Variants in SEPTIN10 observed in about 807,000 individuals in gnomAD.
SEPTIN10 encodes the protein septin 10.
A neutral mutation model predicts 54.8 loss-of-function variants in SEPTIN10; 66 were observed. The observed-to-expected ratio is 1.21, with a 90% confidence interval of 0.99 to 1.48. SEPTIN10 has a LOEUF of 1.48. Among genes scored for constraint, SEPTIN10 ranks in the 40% most tolerant of loss-of-function variants. SEPTIN10 has a pLI of 0.00. For missense variants in SEPTIN10, 620 were observed against 545.6 expected (o/e 1.14, Z -1.36); for synonymous variants, 161 against 181.0 (o/e 0.89, Z 0.89).
chr2:109,593,211 TATA>T, intron 1 of SEPTIN10, 92 bp from the exon 2 acceptor site: 1 of 773,558 alleles, frequency 1.3e-6, no homozygotes, highest in Non-Finnish European at 2.0e-6. Flanking sequence ...AATAAGGTGT[TATA>T]ATAATGTTGT....
chr2:109,613,717 G>C, intron 1 of SEPTIN10, 81 bp downstream of exon 1: 3 of 947,170 alleles, frequency 3.2e-6, no homozygotes, highest in Non-Finnish European at 4.1e-6. Flanking sequence ...GGCCGGACCA[G>C]GGGGCCGGTG....
intron 1 of SEPTIN10, among the ~76,000 whole-genome samples, chr2:109,596,219 C>A (rs1308669795): frequency 6.6e-6 from 1 of 152,064 alleles, no homozygotes; most frequent in African/African-American, 2.4e-5. Flanking sequence ...TTAAAAATTA[C>A]TGGTAAAAAA....
intron 1 of SEPTIN10, among the ~76,000 whole-genome samples, chr2:109,603,025 T>G (rs1374605815): frequency 6.6e-6 from 1 of 150,708 alleles, no homozygotes; most frequent in Non-Finnish European, 1.5e-5. Flanking sequence ...AAGCTGTGAC[T>G]GCACCACTGT....
chr2:109,602,678 A>T (rs2106187706), intron 1 of SEPTIN10, among the ~76,000 whole-genome samples: 1 of 149,156 alleles, frequency 6.7e-6, no homozygotes, highest in East Asian at 2.0e-4. Context: ...TCCATCTCAA[A>T]TTAAAAAAAA....
chr2:109,575,724 CA>C (rs1270532023), intron 4 of SEPTIN10, among the ~76,000 whole-genome samples: 1 of 152,196 alleles, frequency 6.6e-6, no homozygotes, highest in Non-Finnish European at 1.5e-5. Flanking sequence ...GTTCCCATGT[CA>C]AATTCCCTGG....
intron 4 of SEPTIN10, among the ~76,000 whole-genome samples, chr2:109,583,177 A>G (rs1691628572): frequency 6.8e-6 from 1 of 146,916 alleles, no homozygotes; most frequent in Admixed American, 6.7e-5. Context: ...ATTGCCAATT[A>G]AACTAAAGAG....
chr2:109,560,951 C>G (rs1268296588), intron 8 of SEPTIN10, among the ~76,000 whole-genome samples: 1 of 152,196 alleles, frequency 6.6e-6, no homozygotes, highest in African/African-American at 2.4e-5. Flanking sequence ...AAGAAATGCT[C>G]TCCTAACTGG....
In SEPTIN10 at chr2:109,574,650, G is replaced by A. The variant is rs778211095; in HGVS notation, c.531C>T (p.Tyr177=). Residue 177 remains tyrosine, a synonymous_variant, in exon 5 of 11, where the codon TAC becomes TAT. Transcript: ENST00000397712. ...YHDSRIHVCL[Y]FISPTGHSLK... ...GAGAGTGGCCTGTCGGTGAAATGAAGTAGAGACACACATGGATGCGAGAAT... is the reference window on the plus strand; with the variant it reads ...GAGAGTGGCCTGTCGGTGAAATGAAATAGAGACACACATGGATGCGAGAAT... The A allele has an allele frequency of 1.9e-6, 3 of 1,607,904 alleles. No homozygotes were observed. Among genetic ancestry groups the A allele is most frequent in the Admixed American group, 3.4e-5 (2 of 59,064 alleles).
chr2:109,579,139 C>T (rs1690477836), intron 4 of SEPTIN10, among the ~76,000 whole-genome samples: 2 of 152,118 alleles, frequency 1.3e-5, no homozygotes, highest in African/African-American at 2.4e-5. Flanking sequence ...ATTAAGAGTA[C>T]ATTATCAATA....
intron 8 of SEPTIN10, 75 bp from the exon 9 acceptor site, chr2:109,553,294 CA>C: frequency 6.6e-7 from 1 of 1,522,456 alleles, no homozygotes; most frequent in East Asian, 2.3e-5. Context: ...CCTGTAATCC[CA>C]ACACTTTGGG....
intron 1 of SEPTIN10, among the ~76,000 whole-genome samples, chr2:109,598,301 C>T (rs568985963): frequency 4.7e-4 from 71 of 152,120 alleles, no homozygotes; most frequent in African/African-American, 1.6e-3. Flanking sequence ...CTCCCAACCT[C>T]AGGTGATCCG....
intron 8 of SEPTIN10, among the ~76,000 whole-genome samples, chr2:109,557,195 A>G: frequency 6.6e-6 from 1 of 152,152 alleles, no homozygotes; most frequent in Non-Finnish European, 1.5e-5. Flanking sequence ...AAAAAATTAT[A>G]AAAAAAATCT....
intron 6 of SEPTIN10, among the ~76,000 whole-genome samples, chr2:109,566,175 C>T (rs1017236559): frequency 6.6e-6 from 1 of 151,982 alleles, no homozygotes; most frequent in African/African-American, 2.4e-5. Context: ...AGCTGAAGTG[C>T]AGTGACACGA....
intron 6 of SEPTIN10, among the ~76,000 whole-genome samples, chr2:109,566,225 A>T (rs1469422323): frequency 6.6e-6 from 1 of 151,996 alleles, no homozygotes; most frequent in Non-Finnish European, 1.5e-5. Flanking sequence ...GGTTCCAGTG[A>T]TTCTCCTACC....
chr2:109,562,128 G>A (rs931473546), intron 8 of SEPTIN10, among the ~76,000 whole-genome samples: 4 of 152,040 alleles, frequency 2.6e-5, no homozygotes, highest in South Asian at 2.1e-4. Flanking sequence ...CATGAGAATC[G>A]CTTGAACCCA....
At chr2:109,572,757 C>G (rs1688717250) in intron 5 of SEPTIN10, among the ~76,000 whole-genome samples, 1 of 151,888 alleles carries the variant, frequency 6.6e-6, no homozygotes, top group African/African-American at 2.4e-5. Flanking sequence ...GCTGGGGCTA[C>G]AGGCATGTGC....
At chr2:109,609,493 G>C (rs1027006347) in intron 1 of SEPTIN10, among the ~76,000 whole-genome samples, 6 of 152,024 alleles carry the variant, frequency 3.9e-5, no homozygotes, top group African/African-American at 1.4e-4. Flanking sequence ...GAAGCAGCCT[G>C]GCTGCCAGGG....
intron 9 of SEPTIN10, 198 bp downstream of exon 9, chr2:109,552,889 A>T (rs568156719): frequency 2.0e-4 from 123 of 608,164 alleles, no homozygotes; most frequent in Admixed American, 8.2e-4. Flanking sequence ...CTGCTTTAAA[A>T]AAAAAGAAGG....
At position 109,558,482 on chromosome 2, in the gene SEPTIN10, T is replaced by C. The variant is rs72938245; in HGVS notation, c.1029-5263A>G. Among the ~76,000 whole-genome samples the C allele has an allele frequency of 9.9e-3, 1,507 of 152,340 alleles. 33 individuals are homozygous for C. The highest frequency in any genetic ancestry group is 0.035 in the African/African-American group (1,442 of 41,578). On this transcript the variant is annotated intron_variant, in intron 8 of 10. Transcript: ENST00000397712. Reference sequence around the variant, plus strand: ...TGATTAACTGTGGGAAAGAGATTAGTTAGGTTAATCTTTAATTATTAAACT... The same window carrying C: ...TGATTAACTGTGGGAAAGAGATTAGCTAGGTTAATCTTTAATTATTAAACT...
Sources: allele counts gnomAD v4.1 joint callset (sites outside exome capture counted in the v4.1 genomes callset), GRCh38; gene constraint gnomAD v4.1.1; transcripts MANE v1.5; gene names NCBI Gene and HGNC (gene_info 2026-07-23, HGNC 2026-07-21).